Variants in MMS22L observed in about 807,000 individuals in gnomAD.
MMS22L encodes the protein MMS22 like, DNA repair protein.
MMS22L carries 74 observed loss-of-function variants against 159.1 expected under a neutral mutation model. That is an observed-to-expected ratio of 0.47 (90% CI 0.39 to 0.56). The LOEUF is 0.56. Among genes scored for constraint, MMS22L ranks in the 20% least tolerant of loss-of-function variants. MMS22L has a pLI of 0.00. For synonymous variants in MMS22L, 517 were observed against 506.9 expected (o/e 1.02, Z -0.27); for missense variants, 1,351 against 1,422.1 (o/e 0.95, Z 0.80).
intron 14 of MMS22L, among the ~76,000 whole-genome samples, chr6:97,191,587 ATCTT>A (rs771137236): frequency 9.2e-5 from 14 of 152,362 alleles, no homozygotes; most frequent in South Asian, 2.1e-4. Flanking sequence ...CTTTAAAAAA[ATCTT>A]TATTAGTGAA....
chr6:97,164,450 T>C (rs1381714555), intron 21 of MMS22L, among the ~76,000 whole-genome samples: 1 of 151,954 alleles, frequency 6.6e-6, no homozygotes, highest in Non-Finnish European at 1.5e-5. Context: ...TACTGAACTT[T>C]CTAATGTTAA....
At chr6:97,268,567 C>G (rs895522238) in intron 7 of MMS22L, among the ~76,000 whole-genome samples, 2 of 151,466 alleles carry the variant, frequency 1.3e-5, no homozygotes, top group African/African-American at 4.9e-5. Flanking sequence ...AGCATTAATG[C>G]AACACAACTT....
chr6:97,175,907 C>CTTTTA (rs1164759830), intron 18 of MMS22L, among the ~76,000 whole-genome samples: 2 of 152,102 alleles, frequency 1.3e-5, no homozygotes, highest in African/African-American at 2.4e-5. Flanking sequence ...CATACTTTGT[C>CTTTTA]AGTTGTTCTT....
At chr6:97,264,908 G>GAGA (rs1814922790) in intron 8 of MMS22L, 1 of 151,998 alleles carries the variant, frequency 6.6e-6, no homozygotes, top group Non-Finnish European at 1.5e-5. Context: ...ACACAAGTAA[G>GAGA]TAGAAAAAAT....
At chr6:97,172,261 T>C (rs1481291455) in intron 19 of MMS22L, among the ~76,000 whole-genome samples, 2 of 152,168 alleles carry the variant, frequency 1.3e-5, no homozygotes, top group Non-Finnish European at 2.9e-5. Context: ...ATTTACATCT[T>C]CTATATTTAC....
At chr6:97,252,121 C>T (rs1395755309) in intron 10 of MMS22L, among the ~76,000 whole-genome samples, 2 of 151,666 alleles carry the variant, frequency 1.3e-5, no homozygotes, top group Non-Finnish European at 1.5e-5. Flanking sequence ...GACTTCAGCA[C>T]TGCAACCATA....
chr6:97,194,158 A>T (rs1200381860), intron 14 of MMS22L, among the ~76,000 whole-genome samples: 3 of 151,858 alleles, frequency 2.0e-5, no homozygotes, highest in Non-Finnish European at 4.4e-5. Flanking sequence ...CCTGGGTTCA[A>T]GCAATTCTCC....
chr6:97,262,471 C>G (rs1481082422), intron 9 of MMS22L, among the ~76,000 whole-genome samples: 1 of 151,772 alleles, frequency 6.6e-6, no homozygotes, highest in Admixed American at 6.6e-5. Context: ...ATGGTAAAAC[C>G]CCATCTCTAC....
chr6:97,150,714 C>G (rs570747644), intron 23 of MMS22L, among the ~76,000 whole-genome samples: 5 of 152,192 alleles, frequency 3.3e-5, no homozygotes, highest in Non-Finnish European at 1.5e-5. Flanking sequence ...ACTATAAACA[C>G]TTGACAGGCA....
intron 9 of MMS22L, chr6:97,258,745 T>C (rs1814105865): frequency 6.6e-6 from 1 of 152,148 alleles, no homozygotes; most frequent in South Asian, 2.1e-4. Context: ...CACATAACAA[T>C]GTAAAAAACA....
At chr6:97,182,747 G>A (rs1804846305) in intron 15 of MMS22L, among the ~76,000 whole-genome samples, 1 of 152,052 alleles carries the variant, frequency 6.6e-6, no homozygotes, top group South Asian at 2.1e-4. Flanking sequence ...TACCAACAGG[G>A]TGAGATTACT....
At position 97,146,647 on chromosome 6, in the gene MMS22L, C is replaced by T. The variant is rs1800936944; in HGVS notation, c.*159G>A. 4 of 468,472 alleles carry T rather than the reference C, an allele frequency of 8.5e-6. No individual in the cohort carries two copies. Among genetic ancestry groups the T allele is most frequent in the African/African-American group, 6.2e-5 (3 of 48,210 alleles). 29.0% of individuals were successfully genotyped at this position (468,472 alleles called of 1,614,324 possible). A position where few individuals can be genotyped will look rare whatever the true frequency, so the allele number is the denominator to read the frequency against. ...ACAGTTGCTAATTAACCTTCAGTTC[C>T]TTATTTATACATTTTTTACTTACAG... is the stretch of plus-strand genomic sequence containing the variant. On this transcript the variant is annotated 3_prime_UTR_variant, in exon 25 of 25. Coordinates refer to ENST00000683635, the MANE Select transcript of MMS22L (RefSeq NM_001350599.2).
chr6:97,185,665 T>A (rs1166441144), intron 15 of MMS22L, among the ~76,000 whole-genome samples: 4 of 152,166 alleles, frequency 2.6e-5, no homozygotes, highest in Non-Finnish European at 5.9e-5. Flanking sequence ...GAATTCAAAA[T>A]CTTTTCAAAT....
intron 8 of MMS22L, chr6:97,265,429 C>T (rs1814990628): frequency 6.6e-6 from 1 of 151,980 alleles, no homozygotes; most frequent in Non-Finnish European, 1.5e-5. Context: ...AGCTATATGA[C>T]AATGGTCTGG....
chr6:97,262,740 A>G (rs1337270167), intron 9 of MMS22L, among the ~76,000 whole-genome samples: 1 of 152,134 alleles, frequency 6.6e-6, no homozygotes, highest in Admixed American at 6.6e-5. Flanking sequence ...TGAAAAATCA[A>G]AAGTACCCTT....
intron 10 of MMS22L, among the ~76,000 whole-genome samples, chr6:97,246,914 A>C (rs1812708614): frequency 6.6e-6 from 1 of 152,144 alleles, no homozygotes; most frequent in Non-Finnish European, 1.5e-5. Flanking sequence ...GAGTTGTAAC[A>C]GTGGTGCTTC....
intron 14 of MMS22L, among the ~76,000 whole-genome samples, chr6:97,198,062 A>G (rs1806733351): frequency 6.6e-6 from 1 of 152,142 alleles, no homozygotes; most frequent in African/African-American, 2.4e-5. Flanking sequence ...CAGACATGAC[A>G]TTATGTGGCT....
rs1182715117 is a variant in MMS22L at position 97,144,356 on chromosome 6, A to C, written c.*2450T>G. On this transcript the variant is annotated 3_prime_UTR_variant, in exon 25 of 25. Transcript: ENST00000683635. ...CCCTGAGGAACCTGCCTCTACAAAAAGTTGGTCCTCCATATACTCAGATTT... is the reference window on the plus strand; with the variant it reads ...CCCTGAGGAACCTGCCTCTACAAAACGTTGGTCCTCCATATACTCAGATTT... 1.3e-5 allele frequency: 2 copies of C among 152,194 alleles called. No homozygotes were observed. The highest frequency in any genetic ancestry group is 2.4e-5 in the African/African-American group (1 of 41,442). The allele number at this position is 152,194 out of a possible 1,614,324, so 9.4% of individuals were successfully genotyped here.
At chr6:97,259,261 T>C (rs1398124179) in intron 9 of MMS22L, 1 of 152,204 alleles carries the variant, frequency 6.6e-6, no homozygotes, top group Non-Finnish European at 1.5e-5. Flanking sequence ...ATTGTACAAC[T>C]ACAAATAGAA....
Sources: allele counts gnomAD v4.1 joint callset (sites outside exome capture counted in the v4.1 genomes callset), GRCh38; gene constraint gnomAD v4.1.1; transcripts MANE v1.5; gene names NCBI Gene and HGNC (gene_info 2026-07-23, HGNC 2026-07-21).